DNAH6: variants seen among roughly 807,000 people sequenced by gnomAD.
DNAH6 encodes the protein dynein axonemal heavy chain 6.
Under a neutral mutation model 491.4 loss-of-function variants are expected in DNAH6, and 340 were observed. The ratio of observed to expected loss-of-function variants is 0.69; its 90% CI spans 0.63 to 0.76. The LOEUF is 0.76. DNAH6 is among the 30% of genes least tolerant of loss of function. DNAH6 has a pLI of 0.00. For missense variants in DNAH6, 4,443 were observed against 4,972.2 expected, an observed-to-expected ratio of 0.89 and a Z score of 3.20; for synonymous variants, 1,603 against 1,686.1, an observed-to-expected ratio of 0.95 and a Z score of 1.21.
chr2:84,512,017 T>C (rs1431741280), upstream of DNAH6, among the ~76,000 whole-genome samples: 1 of 152,210 alleles, frequency 6.6e-6, no homozygotes, highest in East Asian at 1.9e-4. Context: ...ACCTAACACA[T>C]GGTCTTTCCC....
At chr2:84,695,507 G>T (rs1445184465) in intron 46 of DNAH6, among the ~76,000 whole-genome samples, 2 of 152,062 alleles carry the variant, frequency 1.3e-5, no homozygotes, top group Non-Finnish European at 2.9e-5. Context: ...GTACAAAGTT[G>T]CATGTATAAG....
At position 84,625,851 on chromosome 2, in the gene DNAH6, G is replaced by A. The variant is rs1320437888; in HGVS notation, c.4515+788G>A. ...GATATGTTTTTTTGGTTGAACATTT[G>A]AAGAAAATCTAACCTCACACAGATA... On this transcript the variant is annotated intron_variant, in intron 29 of 76. Transcript: ENST00000389394. 7.2e-5 allele frequency among the ~76,000 whole-genome samples: 11 copies of A among 152,094 alleles called. No individual in the cohort carries two copies. The East Asian group carries it at 2.1e-3, about 29-fold the overall frequency.
intron 37 of DNAH6, among the ~76,000 whole-genome samples, chr2:84,663,060 G>A (rs1349122866): frequency 6.6e-6 from 1 of 152,116 alleles, no homozygotes; most frequent in Non-Finnish European, 1.5e-5. Flanking sequence ...AAACAGAAAG[G>A]ACATCCACAC....
At chr2:84,463,420 C>T in the DNAH6 span, among the ~76,000 whole-genome samples, 1 of 152,102 alleles carries the variant, frequency 6.6e-6, no homozygotes, top group South Asian at 2.1e-4. Context: ...AATTTATTAC[C>T]GTGGATGAAA....
intron 2 of DNAH6, among the ~76,000 whole-genome samples, chr2:84,518,915 C>T (rs1449597976): frequency 1.3e-5 from 2 of 152,134 alleles, no homozygotes; most frequent in African/African-American, 4.8e-5. Context: ...AACGCATGGG[C>T]TCATGCCTGT....
chr2:84,652,492 C>T (rs1031646654), intron 33 of DNAH6, among the ~76,000 whole-genome samples: 2 of 152,044 alleles, frequency 1.3e-5, no homozygotes, highest in African/African-American at 4.8e-5. Context: ...CTAAGTCTCT[C>T]ATTCATGCTT....
intron 29 of DNAH6, among the ~76,000 whole-genome samples, chr2:84,631,967 C>T (rs1251585032): frequency 1.3e-5 from 2 of 152,212 alleles, no homozygotes; most frequent in African/African-American, 2.4e-5. Context: ...CAAGAGAAAC[C>T]TTGGTTCCCC....
At chr2:84,643,030 A>G (rs1042047426) in intron 33 of DNAH6, among the ~76,000 whole-genome samples, 1 of 152,154 alleles carries the variant, frequency 6.6e-6, no homozygotes, top group Admixed American at 6.6e-5. Flanking sequence ...TCTCTAAAGA[A>G]CTGCTTTTAA....
chr2:84,727,847 C>T lies in DNAH6; in HGVS notation c.10151C>T (p.Thr3384Ile). 1 of 1,552,144 alleles carries T rather than the reference C, an allele frequency of 6.4e-7. No individual in the cohort carries two copies. Among genetic ancestry groups the T allele is most frequent in the Non-Finnish European group, 8.7e-7 (1 of 1,147,028 alleles). ...LCVEMMRQQG[T>I]LSDAEWNFFL... ...GTTGAGATGATGCGTCAGCAAGGAACCCTATCTGATGCTGAATGGAATTTC... is the reference window on the plus strand; with the variant it reads ...GTTGAGATGATGCGTCAGCAAGGAATCCTATCTGATGCTGAATGGAATTTC... The change falls in exon 61 of 77, where the codon ACC becomes ATC. Residue 3384 changes from threonine to isoleucine, a missense_variant. Coordinates refer to ENST00000389394, the MANE Select transcript of DNAH6 (RefSeq NM_001370.2).
At chr2:84,726,786 AAT>A (rs200024540) in intron 60 of DNAH6, among the ~76,000 whole-genome samples, 5,551 of 152,108 alleles carry the variant, frequency 0.036, 114 homozygotes, top group Middle Eastern at 0.078. Flanking sequence ...TAATAAAAAA[AAT>A]AAAATAAAAA....
the DNAH6 span, among the ~76,000 whole-genome samples, chr2:84,503,547 A>G: frequency 3.3e-5 from 5 of 152,244 alleles, no homozygotes; most frequent in East Asian, 9.7e-4. Context: ...TGACTGAAGT[A>G]TTCCCCTCAG....
the DNAH6 span, among the ~76,000 whole-genome samples, chr2:84,499,214 G>A: frequency 2.5e-3 from 379 of 152,048 alleles, no homozygotes; most frequent in African/African-American, 8.7e-3. Flanking sequence ...CCAGTCTCTG[G>A]TAACCATCCT....
chr2:84,672,201 G>C, intron 39 of DNAH6, 126 bp from the exon 40 acceptor site: 1 of 907,956 alleles, frequency 1.1e-6, no homozygotes, highest in Non-Finnish European at 1.6e-6. Context: ...CCTCCAGGCA[G>C]GACTCAGAAC....
chr2:84,681,315 TA>T, intron 41 of DNAH6, 41 bp from the exon 42 acceptor site: 2 of 1,440,742 alleles, frequency 1.4e-6, no homozygotes, highest in South Asian at 1.5e-5. Context: ...ATATTTGGTT[TA>T]AAATAAATCT....
intron 63 of DNAH6, among the ~76,000 whole-genome samples, chr2:84,761,473 T>C (rs192951216): frequency 6.6e-6 from 1 of 152,238 alleles, no homozygotes; most frequent in Non-Finnish European, 1.5e-5. Context: ...CATAAATTTA[T>C]ACAGAAAAGA....
chr2:84,785,715 CAA>C lies in DNAH6; in HGVS notation c.11061_11062del (p.Gln3687HisfsTer28). On this transcript the variant is annotated frameshift_variant, in exon 67 of 77. Coordinates refer to ENST00000389394, the MANE Select transcript of DNAH6 (RefSeq NM_001370.2). LOFTEE classifies it high-confidence loss of function. ...AAATATACTTGGAAAAAAATGGAGA[CAA>C]ATAATATTTGGCATTTGTTTCTTCC... Reference protein sequence around the residue: ...EENILGKKWRQIIFGICFFHA... With the variant: ...EENILGKKWRXIIFGICFFHA... The C allele has an allele frequency of 6.5e-7, 1 of 1,546,406 alleles. No individual in the cohort carries two copies. The highest frequency in any genetic ancestry group is 8.7e-7 in the Non-Finnish European group (1 of 1,145,230).
At chr2:84,686,598 A>C (rs1253648248) in intron 44 of DNAH6, 41 bp downstream of exon 44, 1 of 1,149,174 alleles carries the variant, frequency 8.7e-7, no homozygotes, top group Non-Finnish European at 1.2e-6. Flanking sequence ...TGAAAATTGT[A>C]AAGCATTTAT....
At chr2:84,783,695 T>C (rs1676917007) in intron 65 of DNAH6, among the ~76,000 whole-genome samples, 1 of 152,224 alleles carries the variant, frequency 6.6e-6, no homozygotes, top group South Asian at 2.1e-4. Context: ...CTAGGATATG[T>C]TGATAAACAA....
intron 14 of DNAH6, 89 bp from the exon 15 acceptor site, chr2:84,583,910 T>A: frequency 1.5e-6 from 2 of 1,304,466 alleles, no homozygotes; most frequent in Non-Finnish European, 2.2e-6. Flanking sequence ...AATGTTCATA[T>A]TGTACAGTGT....
Sources: gnomAD v4.1 joint callset for allele counts (sites outside exome capture counted in the v4.1 genomes callset) on GRCh38, gnomAD v4.1.1 for gene constraint, MANE v1.5 for transcripts, NCBI Gene and HGNC (gene_info 2026-07-23, HGNC 2026-07-21) for gene names.